Variants in EBF1 observed in about 807,000 individuals in gnomAD.
EBF1 encodes transcription factor COE1.
In EBF1, 10 loss-of-function variants were observed where a neutral mutation model predicts 68.4. That is an observed-to-expected ratio of 0.15 (90% CI 0.09 to 0.25). The LOEUF is 0.25. Ranked by LOEUF, EBF1 falls within the 10% of genes least tolerant of loss-of-function variation. The pLI is 1.00. For missense variants in EBF1, 509 were observed against 794.4 expected (o/e 0.64, Z 4.32); for synonymous variants, 298 against 299.8 (o/e 0.99, Z 0.06).
intron 8 of EBF1, among the ~76,000 whole-genome samples, chr5:158,810,051 T>A (rs146253979): frequency 9.8e-5 from 15 of 152,304 alleles, no homozygotes; most frequent in African/African-American, 3.4e-4. Flanking sequence ...TCTGCCAAAG[T>A]TGAAAGGTAG....
At chr5:158,770,458 G>A (rs1773640249) in intron 10 of EBF1, among the ~76,000 whole-genome samples, 1 of 152,086 alleles carries the variant, frequency 6.6e-6, no homozygotes, top group Admixed American at 6.6e-5. Context: ...ACGTCCACCT[G>A]TCATTTCAGA....
At chr5:158,936,399 G>T (rs1812023151) in intron 6 of EBF1, among the ~76,000 whole-genome samples, 1 of 152,202 alleles carries the variant, frequency 6.6e-6, no homozygotes, top group Admixed American at 6.5e-5. Context: ...GTATCCTAGA[G>T]ACGTGGTTTC....
At chr5:159,082,701 G>A (rs1779945665) in intron 5 of EBF1, among the ~76,000 whole-genome samples, 1 of 152,252 alleles carries the variant, frequency 6.6e-6, no homozygotes, top group East Asian at 1.9e-4. Flanking sequence ...ATGGCAGCCT[G>A]GTAAACAAAC....
intron 5 of EBF1, among the ~76,000 whole-genome samples, chr5:159,079,774 C>T (rs1180765066): frequency 6.6e-6 from 1 of 151,870 alleles, no homozygotes; most frequent in East Asian, 1.9e-4. Flanking sequence ...CCACCACACC[C>T]AGCTGATTTT....
At chr5:158,847,073 T>C (rs541328440) in intron 6 of EBF1, among the ~76,000 whole-genome samples, 10 of 152,274 alleles carry the variant, frequency 6.6e-5, no homozygotes, top group Admixed American at 3.3e-4. Flanking sequence ...TTTCAAGAAG[T>C]TTACCTTTTC....
chr5:159,081,515 C>T (rs566788012), intron 5 of EBF1, among the ~76,000 whole-genome samples: 11 of 152,254 alleles, frequency 7.2e-5, no homozygotes, highest in East Asian at 1.9e-4. Context: ...TACAGGACAA[C>T]GTAACAATAG....
At chr5:158,855,416 G>T (rs937172793) in intron 6 of EBF1, among the ~76,000 whole-genome samples, 1 of 152,156 alleles carries the variant, frequency 6.6e-6, no homozygotes, top group African/African-American at 2.4e-5. Flanking sequence ...ACATGGTCAG[G>T]GTCACCCAGC....
intron 6 of EBF1, among the ~76,000 whole-genome samples, chr5:158,947,459 G>A (rs1389881647): frequency 6.6e-6 from 1 of 152,174 alleles, no homozygotes; most frequent in Non-Finnish European, 1.5e-5. Context: ...TTTCCTGACT[G>A]CTTGTGCTTT....
chr5:158,910,463 A>G (rs961248453), intron 6 of EBF1, among the ~76,000 whole-genome samples: 4 of 150,464 alleles, frequency 2.7e-5, no homozygotes, highest in African/African-American at 7.5e-5. Flanking sequence ...ACACACCTCT[A>G]TCTTTGAAAA....
At chr5:158,826,551 GAAAT>G (rs1786172469) in intron 7 of EBF1, among the ~76,000 whole-genome samples, 1 of 152,132 alleles carries the variant, frequency 6.6e-6, no homozygotes, top group African/African-American at 2.4e-5. Flanking sequence ...TATATCTCCT[GAAAT>G]AAATATCAGC....
At chr5:158,969,842 G>GAA (rs1225774113) in intron 6 of EBF1, among the ~76,000 whole-genome samples, 13 of 67,566 alleles carry the variant, frequency 1.9e-4, no homozygotes, top group Admixed American at 7.1e-4. Flanking sequence ...AAGAAAGAAA[G>GAA]AGAAAGAAAG....
intron 6 of EBF1, among the ~76,000 whole-genome samples, chr5:159,063,275 G>A (rs1217687433): frequency 6.6e-6 from 1 of 152,112 alleles, no homozygotes; most frequent in Non-Finnish European, 1.5e-5. Context: ...AGTTGGAAAG[G>A]GTCTTAGAGA....
At chr5:158,722,847 T>C (rs1163812431) in intron 11 of EBF1, among the ~76,000 whole-genome samples, 1 of 152,162 alleles carries the variant, frequency 6.6e-6, no homozygotes, top group Non-Finnish European at 1.5e-5. Flanking sequence ...TCCAAGCATC[T>C]CCATTCCTAA....
chr5:158,784,785 G>A (rs60542718), intron 9 of EBF1, among the ~76,000 whole-genome samples: 3,547 of 152,236 alleles, frequency 0.023, 153 homozygotes, highest in African/African-American at 0.081. Context: ...ATGAGCATTT[G>A]TGGCTAGAAA....
intron 6 of EBF1, among the ~76,000 whole-genome samples, chr5:158,916,045 T>C (rs1021488684): frequency 2.6e-5 from 4 of 152,196 alleles, no homozygotes; most frequent in African/African-American, 9.7e-5. Context: ...GGTGACCTCC[T>C]GACCGACAAA....
chr5:158,827,062 G>T (rs17714824), intron 7 of EBF1, among the ~76,000 whole-genome samples: 19,749 of 152,110 alleles, frequency 0.13, 1,754 homozygotes, highest in Middle Eastern at 0.22. Flanking sequence ...TAAGGTAACT[G>T]TGAGGCTTAA....
intron 6 of EBF1, among the ~76,000 whole-genome samples, chr5:158,862,696 G>A (rs1042934419): frequency 5.9e-5 from 9 of 152,050 alleles, no homozygotes; most frequent in East Asian, 1.9e-4. Context: ...TTTTTTAAGC[G>A]ATCTCTGCTT....
At chr5:158,720,818 A>C (rs1004793512) in intron 11 of EBF1, among the ~76,000 whole-genome samples, 2 of 152,206 alleles carry the variant, frequency 1.3e-5, no homozygotes, top group African/African-American at 2.4e-5. Flanking sequence ...AGGTATAGGT[A>C]GCAAGTAGTT....
intron 6 of EBF1, among the ~76,000 whole-genome samples, chr5:158,974,854 G>T (rs929838518): frequency 1.3e-5 from 2 of 152,170 alleles, no homozygotes; most frequent in Admixed American, 1.3e-4. Context: ...GGACATGCTT[G>T]CAGGTTGAAG....
Sources: allele counts gnomAD v4.1 joint callset (sites outside exome capture counted in the v4.1 genomes callset), GRCh38; gene constraint gnomAD v4.1.1; transcripts MANE v1.5; gene names NCBI Gene and HGNC (gene_info 2026-07-23, HGNC 2026-07-21).